TMEM178B: variants seen among roughly 807,000 people sequenced by gnomAD.
TMEM178B encodes the protein transmembrane protein 178B.
TMEM178B carries 5 observed loss-of-function variants against 31.0 expected under a neutral mutation model. The observed-to-expected ratio is 0.16, with a 90% CI of 0.08 to 0.34. The LOEUF (loss-of-function observed/expected upper bound fraction) is 0.34, where lower values mean the gene tolerates loss of function less well. Ranked by LOEUF, TMEM178B falls within the 10% of genes least tolerant of loss-of-function variation. The pLI, the probability that TMEM178B is intolerant of heterozygous loss-of-function variation, is 1.00. For missense variants in TMEM178B, 275 were observed against 400.3 expected (o/e 0.69, Z 2.67); for synonymous variants, 164 against 164.0 (o/e 1.00, Z 0.00).
chr7:141,123,163 G>A (rs1282793606), intron 1 of TMEM178B, among the ~76,000 whole-genome samples: 3 of 152,180 alleles, frequency 2.0e-5, no homozygotes, highest in African/African-American at 7.2e-5. Context: ...CTGTATCAAG[G>A]ATACACAGGA....
At chr7:141,442,277 G>A (rs1193229816) in intron 3 of TMEM178B, among the ~76,000 whole-genome samples, 1 of 152,118 alleles carries the variant, frequency 6.6e-6, no homozygotes, top group Non-Finnish European at 1.5e-5. Flanking sequence ...CCCCGAATCA[G>A]GTCTAAGGCT....
intron 1 of TMEM178B, among the ~76,000 whole-genome samples, chr7:141,158,315 C>T (rs768836137): frequency 3.9e-5 from 6 of 152,146 alleles, no homozygotes; most frequent in Non-Finnish European, 8.8e-5. Flanking sequence ...AGGCTGCTCT[C>T]GAACTCCTGA....
At chr7:141,175,908 G>T (rs1011125082) in intron 1 of TMEM178B, among the ~76,000 whole-genome samples, 1 of 152,158 alleles carries the variant, frequency 6.6e-6, no homozygotes, top group Non-Finnish European at 1.5e-5. Context: ...TGCAAGCAGA[G>T]ACCATTTGAC....
At position 141,109,490 on chromosome 7, in the gene TMEM178B, C is replaced by T. The variant is rs558464234; in HGVS notation, c.382+34798C>T. 1.5e-3 allele frequency among the ~76,000 whole-genome samples: 230 copies of T among 152,230 alleles called. 2 individuals are homozygous for T. The highest frequency in any genetic ancestry group is 5.1e-3 in the African/African-American group (213 of 41,540). On this transcript the variant is annotated intron_variant, in intron 1 of 3. Transcript: ENST00000565468. ...GGATTCTTACCTGATCTCCTGCTCT[C>T]ACTTTTCAAAGGCCTGGGTTCCTTT...
intron 2 of TMEM178B, among the ~76,000 whole-genome samples, chr7:141,299,394 T>G (rs919941531): frequency 6.6e-5 from 10 of 152,088 alleles, no homozygotes; most frequent in African/African-American, 2.2e-4. Flanking sequence ...ATGACGGTAG[T>G]CTTTTGTATT....
intron 2 of TMEM178B, among the ~76,000 whole-genome samples, chr7:141,312,270 G>T (rs1009053281): frequency 6.6e-6 from 1 of 152,200 alleles, no homozygotes; most frequent in African/African-American, 2.4e-5. Flanking sequence ...TTCCCCTGCA[G>T]AATCCAATTT....
intron 2 of TMEM178B, among the ~76,000 whole-genome samples, chr7:141,383,459 A>G (rs1452649597): frequency 6.6e-6 from 1 of 150,796 alleles, no homozygotes; most frequent in African/African-American, 2.4e-5. Flanking sequence ...ATGAGTGAGA[A>G]CATGCAATGT....
Position 141,074,487 on chromosome 7 carries a change from TAAC to T in TMEM178B, c.184_186del (p.Asn62del), listed in dbSNP as rs747574071. On this transcript the variant is annotated inframe_deletion, in exon 1 of 4. Coordinates refer to ENST00000565468, the MANE Select transcript of TMEM178B (RefSeq NM_001195278.2). The surrounding 1 kb of genome is among the most constrained non-coding windows in gnomAD (Gnocchi z 5.1). ...TCGACCCCGGCTTCATTTACAACAA[TAAC>T]AACAACTTGCCGCTCCGGGCGAGCC... is the stretch of plus-strand genomic sequence containing the variant. 1.3e-6 allele frequency: 2 copies of T among 1,535,938 alleles called. No individual in the cohort carries two copies. Among genetic ancestry groups the T allele is most frequent in the Non-Finnish European group, 1.7e-6 (2 of 1,146,818 alleles).
intron 3 of TMEM178B, among the ~76,000 whole-genome samples, chr7:141,460,138 G>C (rs1268505496): frequency 1.3e-5 from 2 of 152,190 alleles, no homozygotes; most frequent in African/African-American, 4.8e-5. Flanking sequence ...TGTCAGGGAT[G>C]CTATGACAAA....
chr7:141,280,100 C>A (rs1798331669), intron 2 of TMEM178B, among the ~76,000 whole-genome samples: 1 of 152,174 alleles, frequency 6.6e-6, no homozygotes, highest in African/African-American at 2.4e-5. Flanking sequence ...CCGTTCTGAA[C>A]AAATAAGAAA....
At chr7:141,089,379 G>A (rs1794841719) in intron 1 of TMEM178B, among the ~76,000 whole-genome samples, 1 of 152,158 alleles carries the variant, frequency 6.6e-6, no homozygotes, top group Non-Finnish European at 1.5e-5. Context: ...AGGCTCCCAA[G>A]GGATAAATAG....
At chr7:141,425,213 C>T (rs774353045) in intron 2 of TMEM178B, among the ~76,000 whole-genome samples, 3 of 152,228 alleles carry the variant, frequency 2.0e-5, no homozygotes, top group African/African-American at 2.4e-5. Flanking sequence ...TTGCCATCAG[C>T]CAAATCTCAG....
intron 2 of TMEM178B, among the ~76,000 whole-genome samples, chr7:141,392,025 C>T (rs1800552173): frequency 6.7e-6 from 1 of 150,318 alleles, no homozygotes; most frequent in South Asian, 2.1e-4. Flanking sequence ...CCTGCTTTCA[C>T]TTTTGGGGGA....
intron 1 of TMEM178B, among the ~76,000 whole-genome samples, chr7:141,101,723 G>A (rs529757182): frequency 1.6e-4 from 24 of 152,292 alleles, no homozygotes; most frequent in African/African-American, 5.3e-4. Context: ...ACATATTTTT[G>A]TTGTGGTAGA....
chr7:141,157,743 T>C (rs1225101970), intron 1 of TMEM178B, among the ~76,000 whole-genome samples: 1 of 152,192 alleles, frequency 6.6e-6, no homozygotes, highest in Non-Finnish European at 1.5e-5. Context: ...GAGGTAACAG[T>C]GATGACGCTT....
intron 1 of TMEM178B, among the ~76,000 whole-genome samples, chr7:141,176,107 C>T (rs557448326): frequency 1.3e-5 from 2 of 152,260 alleles, no homozygotes; most frequent in South Asian, 4.1e-4. Flanking sequence ...TCATAAATAG[C>T]TCTTATTATT....
chr7:141,460,711 A>T (rs1355994261), intron 3 of TMEM178B, among the ~76,000 whole-genome samples: 1 of 152,232 alleles, frequency 6.6e-6, no homozygotes, highest in Non-Finnish European at 1.5e-5. Context: ...GTATAGACAC[A>T]GCCTCAGGAA....
chr7:141,413,611 T>C (rs1002112519), intron 2 of TMEM178B, among the ~76,000 whole-genome samples: 1 of 152,254 alleles, frequency 6.6e-6, no homozygotes, highest in Non-Finnish European at 1.5e-5. Flanking sequence ...AGGCAGCTGC[T>C]GATAGTATTT....
chr7:141,385,380 G>T (rs1473114904), intron 2 of TMEM178B, among the ~76,000 whole-genome samples: 1 of 152,214 alleles, frequency 6.6e-6, no homozygotes, highest in African/African-American at 2.4e-5. Flanking sequence ...CTCACGGGTA[G>T]AATGTCTTTC....
Sources: gnomAD v4.1 joint callset for allele counts (sites outside exome capture counted in the v4.1 genomes callset) on GRCh38, gnomAD v4.1.1 for gene constraint, Gnocchi (gnomAD v3.1) non-coding constraint, MANE v1.5 for transcripts, NCBI Gene and HGNC (gene_info 2026-07-23, HGNC 2026-07-21) for gene names.